The following COL22A1 variants were observed in gnomAD, a reference collection of about 807,000 sequenced individuals.
COL22A1 encodes the protein collagen alpha-1(XXII) chain.
COL22A1 carries 221 observed loss-of-function variants against 248.9 expected under a neutral mutation model. That is an observed-to-expected ratio of 0.89 (90% confidence interval 0.80 to 0.99). The LOEUF (loss-of-function observed/expected upper bound fraction) is 0.99, where lower values mean the gene tolerates loss of function less well. Among genes scored for constraint, COL22A1 ranks in the 50% least tolerant of loss-of-function variants. The pLI, the probability that COL22A1 is intolerant of heterozygous loss-of-function variation, is 0.00. For synonymous variants in COL22A1, 891 were observed against 793.4 expected, an observed-to-expected ratio of 1.12 and a Z score of -2.07; for missense variants, 2,240 against 2,179.0, an observed-to-expected ratio of 1.03 and a Z score of -0.56.
At chr8:138,652,401 T>A in intron 45 of COL22A1, among the ~76,000 whole-genome samples, 2 of 152,224 alleles carry the variant, frequency 1.3e-5, no homozygotes. Context: ...TTTTAGCTGC[T>A]ACATGTGCCA....
intron 15 of COL22A1, among the ~76,000 whole-genome samples, chr8:138,777,718 G>A (rs919919499): frequency 6.6e-5 from 10 of 152,136 alleles, no homozygotes; most frequent in Non-Finnish European, 1.5e-4. Context: ...TTATGGCTGC[G>A]TAGTATTCCA....
At chr8:138,726,986 C>A (rs183782464) in intron 23 of COL22A1, among the ~76,000 whole-genome samples, 48 of 152,164 alleles carry the variant, frequency 3.2e-4, no homozygotes, top group African/African-American at 1.1e-3. Context: ...TAAGCAGGGG[C>A]GAGCTGGAAT....
chr8:138,794,848 C>T (rs1405896588), intron 12 of COL22A1, among the ~76,000 whole-genome samples: 1 of 151,990 alleles, frequency 6.6e-6, no homozygotes, highest in Non-Finnish European at 1.5e-5. Context: ...TATGAAGTAC[C>T]TAAAATAGTC....
chr8:138,783,506 C>T (rs2131543802), intron 12 of COL22A1, among the ~76,000 whole-genome samples: 1 of 152,166 alleles, frequency 6.6e-6, no homozygotes, highest in South Asian at 2.1e-4. Flanking sequence ...CATTTTTCTG[C>T]CTGCTTATAT....
At position 138,852,205 on chromosome 8, in the gene COL22A1, C is replaced by A. The variant is rs1220966281; in HGVS notation, c.659-8047G>T. Among the ~76,000 whole-genome samples, 3 of 151,962 alleles carry A rather than the reference C, an allele frequency of 2.0e-5. No homozygotes were observed. In the South Asian group the frequency reaches 6.3e-4, roughly 32 times the overall value. On this transcript the variant is annotated intron_variant, in intron 3 of 64. Coordinates refer to ENST00000303045, the MANE Select transcript of COL22A1 (RefSeq NM_152888.3). ...TGATGGACCCTGGTAAGATGTGTCA[C>A]CCTGCAGCAGGGGGAGGGCCCGGCT...
At chr8:138,861,044 C>A (rs1822418191) in intron 3 of COL22A1, among the ~76,000 whole-genome samples, 1 of 152,132 alleles carries the variant, frequency 6.6e-6, no homozygotes, top group African/African-American at 2.4e-5. Context: ...GCTCCTGCTG[C>A]CATCACCCCA....
intron 30 of COL22A1, among the ~76,000 whole-genome samples, chr8:138,712,224 C>T (rs1563651492): frequency 6.6e-6 from 1 of 152,178 alleles, no homozygotes; most frequent in Non-Finnish European, 1.5e-5. Context: ...GCAGATAGAA[C>T]CAGGACCATA....
At chr8:138,706,588 A>G (rs572557864) in intron 30 of COL22A1, among the ~76,000 whole-genome samples, 3 of 152,344 alleles carry the variant, frequency 2.0e-5, no homozygotes, top group Non-Finnish European at 2.9e-5. Context: ...TTTGAAACCA[A>G]TGAGAACAGA....
intron 41 of COL22A1, among the ~76,000 whole-genome samples, chr8:138,674,315 C>G (rs986750914): frequency 6.6e-6 from 1 of 152,172 alleles, no homozygotes; most frequent in Non-Finnish European, 1.5e-5. Context: ...CCCCAGTGAA[C>G]TTGACATGTA....
intron 26 of COL22A1, among the ~76,000 whole-genome samples, chr8:138,721,476 C>T (rs1829867741): frequency 6.6e-6 from 1 of 152,212 alleles, no homozygotes; most frequent in African/African-American, 2.4e-5. Flanking sequence ...CTTAATAATT[C>T]TACCATAAGC....
intron 50 of COL22A1, among the ~76,000 whole-genome samples, chr8:138,627,686 C>T (rs1204752784): frequency 6.6e-6 from 1 of 152,188 alleles, no homozygotes; most frequent in Non-Finnish European, 1.5e-5. Context: ...CCTCCCCATC[C>T]TCTCCAAAAA....
chr8:138,668,735 C>T (rs1354822719), intron 41 of COL22A1, among the ~76,000 whole-genome samples: 1 of 152,170 alleles, frequency 6.6e-6, no homozygotes, highest in Non-Finnish European at 1.5e-5. Flanking sequence ...GGGTGGGTGG[C>T]CAAGTGGCTG....
chr8:138,907,839 A>G (rs778576638), intron 1 of COL22A1, among the ~76,000 whole-genome samples: 1 of 152,158 alleles, frequency 6.6e-6, no homozygotes, highest in African/African-American at 2.4e-5. Context: ...CCACTCACAC[A>G]AGAACTAACC....
intron 46 of COL22A1, among the ~76,000 whole-genome samples, chr8:138,648,229 C>A (rs553037214): frequency 1.3e-5 from 2 of 152,272 alleles, no homozygotes; most frequent in Admixed American, 6.5e-5. Context: ...GGAGAAATTT[C>A]GAGGACTGTG....
At chr8:138,817,730 A>G (rs1245258461) in intron 7 of COL22A1, among the ~76,000 whole-genome samples, 1 of 152,200 alleles carries the variant, frequency 6.6e-6, no homozygotes, top group Non-Finnish European at 1.5e-5. Context: ...TAATGTGAAG[A>G]TGGTGGTGAT....
At chr8:138,857,329 T>A (rs1242669263) in intron 3 of COL22A1, among the ~76,000 whole-genome samples, 2 of 152,178 alleles carry the variant, frequency 1.3e-5, no homozygotes, top group Non-Finnish European at 2.9e-5. Context: ...AAGATGGACA[T>A]GAGGATGGGT....
At chr8:138,676,722 T>G in intron 40 of COL22A1, 87 bp from the exon 41 acceptor site, 1 of 1,015,460 alleles carries the variant, frequency 9.8e-7, no homozygotes, top group Non-Finnish European at 1.5e-6. Flanking sequence ...TCTTCTAGAA[T>G]CCTGACTGCA....
intron 41 of COL22A1, among the ~76,000 whole-genome samples, chr8:138,672,770 T>G (rs1825144159): frequency 6.6e-6 from 1 of 152,200 alleles, no homozygotes; most frequent in Admixed American, 6.5e-5. Context: ...CCTCCCAATT[T>G]CCTTGATGCT....
At chr8:138,689,480 C>A (rs1826648902) in intron 36 of COL22A1, among the ~76,000 whole-genome samples, 1 of 152,116 alleles carries the variant, frequency 6.6e-6, no homozygotes, top group African/African-American at 2.4e-5. Context: ...CTCTGCAAGG[C>A]CAAGGCAGAC....
Sources: allele counts gnomAD v4.1 joint callset (sites outside exome capture counted in the v4.1 genomes callset), GRCh38; gene constraint gnomAD v4.1.1; transcripts MANE v1.5; gene names NCBI Gene and HGNC (gene_info 2026-07-23, HGNC 2026-07-21).